The following DEF6 variants were observed in gnomAD, a reference collection of about 807,000 sequenced individuals.
The protein encoded by DEF6 is differentially expressed in FDCP 6 homolog.
Under a neutral mutation model 80.5 loss-of-function variants are expected in DEF6, and 32 were observed. The ratio of observed to expected loss-of-function variants is 0.40; its 90% CI spans 0.30 to 0.53. DEF6 has a LOEUF of 0.53. Ranked by LOEUF, DEF6 falls within the 20% of genes least tolerant of loss-of-function variation. The probability of loss-of-function intolerance (pLI) is 0.57; values close to 1 mark genes in which losing one functional copy is unlikely to be tolerated. For missense variants in DEF6, 575 were observed against 818.7 expected (o/e 0.70, Z 3.63); for synonymous variants, 300 against 337.9 (o/e 0.89, Z 1.23).
At chr6:35,301,745 AAGAC>A (rs1315974731) in intron 1 of DEF6, among the ~76,000 whole-genome samples, 4 of 13,728 alleles carry the variant, frequency 2.9e-4, no homozygotes, top group African/African-American at 8.2e-4. Context: ...TTTTTTTTTT[AAGAC>A]AGAGTCTTGC....
rs1317004707 is a variant in DEF6 at position 35,312,334 on chromosome 6, C to T, written c.456C>T (p.Ser152=). The T allele has an allele frequency of 1.2e-6, 2 of 1,614,166 alleles. No individual in the cohort carries two copies. The highest frequency in any genetic ancestry group is 1.3e-5 in the African/African-American group (1 of 75,072). Residue 152 remains serine (S), a synonymous_variant, in exon 4 of 11, where the codon AGC becomes AGT. Transcript: ENST00000316637. The surrounding 1 kb of genome is among the most constrained non-coding windows in gnomAD (Gnocchi z 6.6). ...VEYLLKKVLS[S]MSLEVSLGEL... ...ACCTGCTGAAAAAGGTACTCAGCAG[C>T]ATGAGCTTGGAGGTGAGCTTGGGTG...
rs1011988181 is a variant in DEF6, at chr6:35,318,932, C to T, written c.1215+461C>T. ...CAATTAGATTTAGGATTTAAGAAAC[C>T]TGGATCTGGAGTCAGAAACACGTAG... On this transcript the variant is annotated intron_variant, in intron 7 of 10. Transcript: ENST00000316637. This position sits in a 1 kb window ranked among gnomAD's most constrained non-coding sequence, Gnocchi z 5.1. 6.6e-6 allele frequency among the ~76,000 whole-genome samples: 1 copy of T among 152,124 alleles called. No individual in the cohort carries two copies. The highest frequency in any genetic ancestry group is 1.5e-5 in the Non-Finnish European group (1 of 68,008).
chr6:35,298,779 G>A (rs539860829), intron 1 of DEF6, among the ~76,000 whole-genome samples: 1 of 152,274 alleles, frequency 6.6e-6, no homozygotes, highest in African/African-American at 2.4e-5. Context: ...GAACACTGGG[G>A]GAAAGGAGCA....
chr6:35,311,639 G>C (rs557238577), intron 3 of DEF6, among the ~76,000 whole-genome samples: 1 of 152,322 alleles, frequency 6.6e-6, no homozygotes, highest in South Asian at 2.1e-4. Flanking sequence ...CCAGGAGGTT[G>C]TTTGCTTCTG....
At chr6:35,300,110 C>G (rs1442351915) in intron 1 of DEF6, among the ~76,000 whole-genome samples, 2 of 152,188 alleles carry the variant, frequency 1.3e-5, no homozygotes, top group South Asian at 2.1e-4. Flanking sequence ...CAGCCTCAAA[C>G]TCCTGGGTTC....
At chr6:35,307,880 C>T (rs945063648) in intron 1 of DEF6, among the ~76,000 whole-genome samples, 9 of 152,180 alleles carry the variant, frequency 5.9e-5, no homozygotes, top group African/African-American at 2.2e-4. Context: ...ACACCATCTC[C>T]GAGACAGTGC....
intron 1 of DEF6, among the ~76,000 whole-genome samples, chr6:35,309,089 G>A (rs1791430436): frequency 6.6e-6 from 1 of 152,178 alleles, no homozygotes; most frequent in African/African-American, 2.4e-5. Flanking sequence ...TAGGTGATAG[G>A]CACACTGCAG....
chr6:35,298,818 C>T (rs1474502516), intron 1 of DEF6, among the ~76,000 whole-genome samples: 1 of 152,158 alleles, frequency 6.6e-6, no homozygotes, highest in Non-Finnish European at 1.5e-5. Context: ...TAGGACCTGC[C>T]ATAGGGGTGC....
At chr6:35,307,304 C>T (rs1053438186) in intron 1 of DEF6, among the ~76,000 whole-genome samples, 2 of 152,222 alleles carry the variant, frequency 1.3e-5, no homozygotes, top group African/African-American at 2.4e-5. Context: ...GAGGCTGAGG[C>T]AGGAGAATCA....
Position 35,312,293 on chromosome 6 carries a change from C to T in DEF6, c.424-9C>T. On this transcript the variant is annotated splice_polypyrimidine_tract_variant and intron_variant, in intron 3 of 10. Coordinates refer to ENST00000316637, the MANE Select transcript of DEF6 (RefSeq NM_022047.4). This position sits in a 1 kb window ranked among gnomAD's most constrained non-coding sequence, Gnocchi z 6.6. ...CTGCAGCTACCAGGCCTTCCTTCTC[C>T]TGCTCCAGGTGGAATACCTGCTGAA... The T allele has an allele frequency of 1.2e-6, 2 of 1,611,882 alleles. No individual in the cohort carries two copies. Among genetic ancestry groups the T allele is most frequent in the Non-Finnish European group, 8.5e-7 (1 of 1,178,430 alleles).
intron 1 of DEF6, among the ~76,000 whole-genome samples, chr6:35,299,412 A>G (rs182567698): frequency 3.3e-5 from 5 of 151,288 alleles, no homozygotes. Flanking sequence ...AACATTTTCC[A>G]CTTCTGTATT....
At chr6:35,308,759 TAAA>T (rs35303955) in intron 1 of DEF6, among the ~76,000 whole-genome samples, 6,762 of 149,540 alleles carry the variant, frequency 0.045, 413 homozygotes, top group East Asian at 0.3. Context: ...TAAAATAAAA[TAAA>T]AAACAGTTTT....
chr6:35,298,456 C>A lies in DEF6; in HGVS notation c.96+504C>A, dbSNP rs528620513. On this transcript the variant is annotated intron_variant, in intron 1 of 10. Coordinates refer to ENST00000316637, the MANE Select transcript of DEF6 (RefSeq NM_022047.4). ...GTCTGGCCTGTCTAACCCTGCCCGC[C>A]AGGTGGGACAGAGCTGCGGAGTGGG... Among the ~76,000 whole-genome samples, 38 of 152,308 alleles carry A rather than the reference C, an allele frequency of 2.5e-4. No homozygotes were observed. In the East Asian group the frequency reaches 6.6e-3, roughly 26 times the overall value.
rs61748597 is a variant in DEF6 at position 35,318,298 on chromosome 6, C to T, written c.1042C>T (p.Leu348=). 31,679 of 1,556,038 alleles carry T rather than the reference C, an allele frequency of 0.02. 887 individuals are homozygous for T. The highest frequency in any genetic ancestry group is 0.14 in the African/African-American group (10,063 of 73,436). ...CCGGGCGGCCAAGGAAGAGGAGCTG[C>T]TGCGGCTGCAGCAGCTGCAGGAGGA... ...RRRAAKEEEL[L]RLQQLQEEKE... The change falls in exon 7 of 11, where the codon CTG becomes TTG. Residue 348 remains leucine, a synonymous_variant. Coordinates refer to ENST00000316637, the MANE Select transcript of DEF6 (RefSeq NM_022047.4). This position sits in a 1 kb window ranked among gnomAD's most constrained non-coding sequence, Gnocchi z 5.1.
chr6:35,315,866 T>TTG (rs1791519151), intron 5 of DEF6, among the ~76,000 whole-genome samples: 2 of 148,424 alleles, frequency 1.3e-5, no homozygotes, highest in South Asian at 4.3e-4. Context: ...TTTTTTTTTT[T>TTG]TTTGAGGAGG....
At chr6:35,314,727 C>G (rs149965790) in intron 5 of DEF6, among the ~76,000 whole-genome samples, 429 of 152,266 alleles carry the variant, frequency 2.8e-3, no homozygotes, top group African/African-American at 9.5e-3. Context: ...TGTCTCTTCA[C>G]TTTGTTGATT....
chr6:35,321,050 C>G, intron 10 of DEF6, 76 bp downstream of exon 10: 1 of 1,555,608 alleles, frequency 6.4e-7, no homozygotes, highest in African/African-American at 1.4e-5. Flanking sequence ...CCCTGGGAGA[C>G]CTCCAGATCT....
intron 1 of DEF6, among the ~76,000 whole-genome samples, chr6:35,298,257 C>T (rs1315256751): frequency 6.6e-6 from 1 of 152,222 alleles, no homozygotes; most frequent in Admixed American, 6.5e-5. Context: ...CAGGCCACAT[C>T]CCAGACTCTG....
rs1791557743 is a variant in DEF6 at position 35,319,180 on chromosome 6, A to G, written c.1216-344A>G. 6.6e-6 allele frequency among the ~76,000 whole-genome samples: 1 copy of G among 151,866 alleles called. No homozygotes were observed. The highest frequency in any genetic ancestry group is 2.4e-5 in the African/African-American group (1 of 41,336). On this transcript the variant is annotated intron_variant, in intron 7 of 10. Coordinates refer to ENST00000316637, the MANE Select transcript of DEF6 (RefSeq NM_022047.4). This position sits in a 1 kb window ranked among gnomAD's most constrained non-coding sequence, Gnocchi z 4.5. ...AGCCATGATTATAACATATTATTAT[A>G]TATTATAATAATTATTAAGTTAGTG...
Sources: allele counts gnomAD v4.1 joint callset (sites outside exome capture counted in the v4.1 genomes callset), GRCh38; gene constraint gnomAD v4.1.1; non-coding constraint Gnocchi (gnomAD v3.1); transcripts MANE v1.5; gene names NCBI Gene and HGNC (gene_info 2026-07-23, HGNC 2026-07-21).